Variants in TRPM3 observed in about 807,000 individuals in gnomAD.
TRPM3 encodes long transient receptor potential channel 3.
A neutral mutation model predicts 181.2 loss-of-function variants in TRPM3; 77 were observed. The ratio of observed to expected loss-of-function variants is 0.42; its 90% CI spans 0.35 to 0.51. The LOEUF is 0.51. Ranked by LOEUF, TRPM3 falls within the 20% of genes least tolerant of loss-of-function variation. TRPM3 has a pLI of 0.01. For synonymous variants in TRPM3, 745 were observed against 796.4 expected, an observed-to-expected ratio of 0.94 and a Z score of 1.09; for missense variants, 1,759 against 2,196.7, an observed-to-expected ratio of 0.80 and a Z score of 3.98.
chr9:71,205,083 G>C (rs898931090), intron 1 of TRPM3, among the ~76,000 whole-genome samples: 1 of 151,986 alleles, frequency 6.6e-6, no homozygotes, highest in African/African-American at 2.4e-5. Flanking sequence ...GGAGCAGGGA[G>C]GAATTGCATT....
chr9:71,438,323 TG>T (rs1317871190), intron 1 of TRPM3, among the ~76,000 whole-genome samples: 12 of 152,272 alleles, frequency 7.9e-5, no homozygotes, highest in African/African-American at 2.9e-4. Flanking sequence ...TTAATATCTG[TG>T]GGTATTAAGA....
At chr9:71,016,913 T>G (rs2097789587) in intron 1 of TRPM3, among the ~76,000 whole-genome samples, 1 of 152,172 alleles carries the variant, frequency 6.6e-6, no homozygotes, top group Non-Finnish European at 1.5e-5. Context: ...TGTTATTTTC[T>G]GTTTTTATTT....
rs1319189898 is a variant in TRPM3 at position 70,553,289 on chromosome 9, G to T, written c.3245C>A (p.Thr1082Asn). The T allele has an allele frequency of 1.9e-6, 3 of 1,614,084 alleles. No individual in the cohort carries two copies. Among genetic ancestry groups the T allele is most frequent in the Non-Finnish European group, 2.5e-6 (3 of 1,180,014 alleles). The change falls in exon 23 of 26, where the codon ACC becomes AAC. Residue 1082 changes from threonine to asparagine, a missense_variant. Around this residue, in one of 8 missense-constraint regions of TRPM3, gnomAD observed 94 missense variants for 221.3 expected, o/e 0.42. Transcript: ENST00000677713. ...QIDPPCGQNETREDGKIIQLP... is the reference protein window; with the variant it reads ...QIDPPCGQNENREDGKIIQLP... ...CTGGATTATTTTACCATCCTCTCGG[G>T]TCTCATTCTGTCCACAGGGAGCTGG...
chr9:71,070,184 G>A (rs1363951014), intron 1 of TRPM3, among the ~76,000 whole-genome samples: 1 of 152,184 alleles, frequency 6.6e-6, no homozygotes, highest in Non-Finnish European at 1.5e-5. Flanking sequence ...TTTCTGAAAT[G>A]GGAGGAGGAA....
chr9:70,942,317 G>T (rs2096893905), intron 1 of TRPM3, among the ~76,000 whole-genome samples: 2 of 152,128 alleles, frequency 1.3e-5, no homozygotes. Context: ...TAATCTTTCA[G>T]GTGCAGCATG....
At chr9:71,346,767 T>A (rs1469778125) in intron 1 of TRPM3, among the ~76,000 whole-genome samples, 1 of 152,178 alleles carries the variant, frequency 6.6e-6, no homozygotes, top group Non-Finnish European at 1.5e-5. Flanking sequence ...AACCAGCAGC[T>A]GTGTACAGAA....
intron 1 of TRPM3, among the ~76,000 whole-genome samples, chr9:71,094,613 A>G (rs971904376): frequency 2.0e-5 from 3 of 152,156 alleles, no homozygotes; most frequent in African/African-American, 7.2e-5. Flanking sequence ...ACCATTTACT[A>G]GCAGTGTAAA....
At position 71,014,781 on chromosome 9, in the gene TRPM3, A is replaced by G. The variant is rs148999517; in HGVS notation, c.177+106397T>C. Among the ~76,000 whole-genome samples the G allele has an allele frequency of 1.9e-3, 283 of 152,278 alleles. 1 individual carries two copies. Among genetic ancestry groups the G allele is most frequent in the African/African-American group, 6.5e-3 (271 of 41,576 alleles). ...GAGTTGAGTTTTGCACTGTGAGCTA[A>G]TATGAAAATCTTTTTTTCCTCTATA... On this transcript the variant is annotated intron_variant, in intron 1 of 25. Coordinates refer to ENST00000677713, the MANE Select transcript of TRPM3 (RefSeq NM_001366145.2).
intron 6 of TRPM3, chr9:70,811,170 C>G: frequency 1.2e-6 from 2 of 1,608,788 alleles, no homozygotes; most frequent in Non-Finnish European, 1.7e-6. Context: ...TTATACTTAC[C>G]AACTGAGTCT....
intron 1 of TRPM3, among the ~76,000 whole-genome samples, chr9:71,164,383 G>C (rs1565293146): frequency 6.6e-6 from 1 of 152,166 alleles, no homozygotes; most frequent in Non-Finnish European, 1.5e-5. Context: ...CACAAGAGTT[G>C]AGTTTACCCC....
intron 6 of TRPM3, among the ~76,000 whole-genome samples, chr9:70,797,897 T>C (rs1223632345): frequency 6.6e-6 from 1 of 152,170 alleles, no homozygotes; most frequent in Non-Finnish European, 1.5e-5. Context: ...CTGCCCAATT[T>C]TGGAGTGTCA....
chr9:70,962,848 G>A (rs991806094), intron 1 of TRPM3, among the ~76,000 whole-genome samples: 2 of 152,068 alleles, frequency 1.3e-5, no homozygotes, highest in Non-Finnish European at 2.9e-5. Context: ...CAAATCACCG[G>A]GGGGACAAGG....
rs150053894 is a variant in TRPM3 at position 70,913,665 on chromosome 9, G to C, written c.178-49154C>G. Among the ~76,000 whole-genome samples, 553 of 152,168 alleles carry C rather than the reference G, an allele frequency of 3.6e-3. 4 individuals are homozygous for C. Among genetic ancestry groups the C allele is most frequent in the African/African-American group, 0.013 (525 of 41,506 alleles). On this transcript the variant is annotated intron_variant, in intron 1 of 25. Transcript: ENST00000677713. ...TCTAGAGGATCATTCATGATGCCCA[G>C]TCTTACCAGAAAAAAACCACCAGAC...
intron 1 of TRPM3, among the ~76,000 whole-genome samples, chr9:70,891,994 C>G (rs1430123067): frequency 2.6e-5 from 4 of 152,150 alleles, no homozygotes; most frequent in African/African-American, 4.8e-5. Flanking sequence ...GACTACCAAG[C>G]TTCTCCCAGC....
At position 70,530,499 on chromosome 9, in the gene TRPM3, G is replaced by C. The variant is rs2040732859; in HGVS notation, c.*5454C>G. 1 of 152,252 alleles carries C rather than the reference G, an allele frequency of 6.6e-6. No homozygotes were observed. The highest frequency in any genetic ancestry group is 1.5e-5 in the Non-Finnish European group (1 of 68,064). The allele number at this position is 152,252 out of a possible 1,614,324, so 9.4% of individuals were successfully genotyped here. A position where few individuals can be genotyped will look rare whatever the true frequency, so the allele number is the denominator to read the frequency against. ...ACACAAACATTGTGCAAACGCACAAGGGCCTGCAGGTTTAAGGAGGCTGGT... is the reference window on the plus strand; with the variant it reads ...ACACAAACATTGTGCAAACGCACAACGGCCTGCAGGTTTAAGGAGGCTGGT... On this transcript the variant is annotated 3_prime_UTR_variant, in exon 26 of 26. Transcript: ENST00000677713.
chr9:71,313,462 T>A (rs1050505488), intron 1 of TRPM3, among the ~76,000 whole-genome samples: 3 of 152,182 alleles, frequency 2.0e-5, no homozygotes, highest in Non-Finnish European at 4.4e-5. Context: ...CATTAAGATG[T>A]CATTTATGTT....
chr9:70,915,664 A>T (rs1466309389), intron 1 of TRPM3, among the ~76,000 whole-genome samples: 1 of 151,726 alleles, frequency 6.6e-6, no homozygotes, highest in Non-Finnish European at 1.5e-5. Context: ...GTGAGCTTGA[A>T]GGCAAGCTAT....
chr9:71,436,387 C>G (rs1202592240), intron 1 of TRPM3, among the ~76,000 whole-genome samples: 1 of 139,556 alleles, frequency 7.2e-6, no homozygotes, highest in East Asian at 2.3e-4. Context: ...ACTGCAATCT[C>G]TGCCTCCTGG....
intron 11 of TRPM3, among the ~76,000 whole-genome samples, chr9:70,636,192 T>C (rs2133488109): frequency 6.6e-6 from 1 of 152,282 alleles, no homozygotes; most frequent in African/African-American, 2.4e-5. Context: ...TCAATGAAAT[T>C]TTAATTATGG....
Sources: gnomAD v4.1 joint callset for allele counts (sites outside exome capture counted in the v4.1 genomes callset) on GRCh38, gnomAD v4.1.1 for gene constraint, gnomAD v4.1.1 regional missense constraint, MANE v1.5 for transcripts, NCBI Gene and HGNC (gene_info 2026-07-23, HGNC 2026-07-21) for gene names.